The following C1QTNF9 variants were observed in gnomAD, a reference collection of about 807,000 sequenced individuals.
C1QTNF9 encodes the protein complement C1q and tumor necrosis factor-related protein 9A.
In C1QTNF9, 6 loss-of-function variants were observed where a neutral mutation model predicts 10.1. The ratio of observed to expected loss-of-function variants is 0.59; its 90% confidence interval spans 0.32 to 1.17. The LOEUF (loss-of-function observed/expected upper bound fraction) is 1.17. Among genes scored for constraint, C1QTNF9 ranks in the 50% most tolerant of loss-of-function variants. The pLI is 0.04. For missense variants in C1QTNF9, 201 were observed against 418.8 expected (o/e 0.48, Z 4.54); for synonymous variants, 98 against 163.5 (o/e 0.60, Z 3.06).
At chr13:24,307,318 A>C (rs1298668032), upstream of C1QTNF9, 2 of 152,304 alleles carry the variant, frequency 1.3e-5, no homozygotes, top group Non-Finnish European at 2.9e-5. Context: ...AGGGATGCGG[A>C]AGGGAGCAGT....
intron 2 of C1QTNF9, among the ~76,000 whole-genome samples, chr13:24,318,186 C>T (rs1878113255): frequency 1.3e-5 from 2 of 152,166 alleles, no homozygotes; most frequent in African/African-American, 4.8e-5. Flanking sequence ...AGCACGCCGA[C>T]CTGGAGCTCA....
chr13:24,317,287 T>G lies in C1QTNF9; in HGVS notation c.166+1118T>G, dbSNP rs74040700. Among the ~76,000 whole-genome samples, 573 of 144,212 alleles carry G rather than the reference T, an allele frequency of 4.0e-3. 2 individuals carry two copies. The highest frequency in any genetic ancestry group is 0.011 in the African/African-American group (413 of 39,156). The allele number at this position is 144,212 out of a possible 152,430, so 94.6% of individuals were successfully genotyped here. A position where few individuals can be genotyped will look rare whatever the true frequency, so the allele number is the denominator to read the frequency against. On this transcript the variant is annotated intron_variant, in intron 2 of 3. Transcript: ENST00000332018. ...TGTGTGTGTGTGTGTGTGTGTGTAT[T>G]GTATTTCTGAATATATAAGATTTTC... is the stretch of plus-strand genomic sequence containing the variant.
At chr13:24,321,776 G>T (rs1461745548) in exon 4 of C1QTNF9, 1 of 1,544,340 alleles carries the variant, frequency 6.5e-7, no homozygotes, top group Non-Finnish European at 8.7e-7. Flanking sequence ...TGACAGAGGA[G>T]AGTTTAAAAA....
chr13:24,312,847 C>T (rs1304117276), intron 1 of C1QTNF9, among the ~76,000 whole-genome samples: 6 of 149,974 alleles, frequency 4.0e-5, no homozygotes, highest in African/African-American at 1.2e-4. Flanking sequence ...CCCAGCTACT[C>T]GGGAGGCTGA....
At chr13:24,309,345 T>A (rs1445473863), upstream of C1QTNF9, among the ~76,000 whole-genome samples, 6 of 144,152 alleles carry the variant, frequency 4.2e-5, no homozygotes, top group Non-Finnish European at 4.5e-5. Flanking sequence ...TCCTTCAGAC[T>A]CCCCTTGAAA....
At chr13:24,321,579 A>G in exon 4 of C1QTNF9, 1 of 1,613,980 alleles carries the variant, frequency 6.2e-7, no homozygotes, top group African/African-American at 1.3e-5. Context: ...AAAATGGAGT[A>G]AAAATACTGC....
exon 2 of C1QTNF9, chr13:24,315,989 T>C (rs1201449575): frequency 7.4e-6 from 12 of 1,613,432 alleles, no homozygotes; most frequent in Admixed American, 1.7e-5. Flanking sequence ...CAGTTCAGAG[T>C]CTGTCATCTG....
chr13:24,311,644 G>A (rs1025338150), intron 1 of C1QTNF9, among the ~76,000 whole-genome samples: 27 of 152,336 alleles, frequency 1.8e-4, no homozygotes, highest in African/African-American at 4.8e-4. Flanking sequence ...AAGAGCGGCC[G>A]CACCTTGGGC....
chr13:24,314,651 C>T (rs1165879332), intron 1 of C1QTNF9, among the ~76,000 whole-genome samples: 1 of 152,058 alleles, frequency 6.6e-6, no homozygotes, highest in Non-Finnish European at 1.5e-5. Context: ...CAGCTTGGGC[C>T]ACAAGGGCGA....
chr13:24,315,132 A>G (rs1294264694), intron 1 of C1QTNF9, among the ~76,000 whole-genome samples: 2 of 152,210 alleles, frequency 1.3e-5, no homozygotes, highest in African/African-American at 4.8e-5. Context: ...TTGTGCAACC[A>G]TCACCACCAC....
At chr13:24,308,818 G>C (rs1011782737), upstream of C1QTNF9, among the ~76,000 whole-genome samples, 2 of 152,214 alleles carry the variant, frequency 1.3e-5, no homozygotes, top group Non-Finnish European at 2.9e-5. Flanking sequence ...AAACCGGGCT[G>C]GGCTCCTCTG....
chr13:24,312,963 A>AG (rs962248768), intron 1 of C1QTNF9, among the ~76,000 whole-genome samples: 4 of 151,656 alleles, frequency 2.6e-5, no homozygotes, highest in African/African-American at 7.2e-5. Context: ...TCAAAAAAAA[A>AG]AAAAAAGAAA....
At chr13:24,312,048 T>C (rs559830879) in intron 1 of C1QTNF9, among the ~76,000 whole-genome samples, 18 of 152,310 alleles carry the variant, frequency 1.2e-4, no homozygotes, top group East Asian at 5.8e-4. Context: ...GAAGCCCAGC[T>C]AAAATTTCTA....
chr13:24,314,037 T>C (rs1374201318), intron 1 of C1QTNF9, among the ~76,000 whole-genome samples: 5 of 152,180 alleles, frequency 3.3e-5, no homozygotes, highest in African/African-American at 1.2e-4. Flanking sequence ...TTATAGATAA[T>C]GCTGCAGGTA....
upstream of C1QTNF9, chr13:24,307,248 G>A (rs1877633018): frequency 6.6e-6 from 1 of 152,212 alleles, no homozygotes; most frequent in African/African-American, 2.4e-5. Flanking sequence ...GGAGAAGGGG[G>A]GCTCCGAGGG....
intron 2 of C1QTNF9, among the ~76,000 whole-genome samples, chr13:24,318,484 T>C (rs1238531999): frequency 1.3e-5 from 2 of 151,086 alleles, no homozygotes; most frequent in African/African-American, 2.4e-5. Context: ...CCCAAGTCCT[T>C]GTCGCAGGAG....
At chr13:24,320,858 T>C (rs1343041401) in intron 3 of C1QTNF9, 138 bp from the exon 4 acceptor site, 14 of 748,756 alleles carry the variant, frequency 1.9e-5, no homozygotes, top group African/African-American at 1.0e-4. Context: ...GATGGAGTAA[T>C]TGAATTTTAA....
At chr13:24,313,113 C>A (rs1229796272) in intron 1 of C1QTNF9, among the ~76,000 whole-genome samples, 1 of 152,098 alleles carries the variant, frequency 6.6e-6, no homozygotes, top group Non-Finnish European at 1.5e-5. Context: ...TATAAACAAA[C>A]AAACAAACAA....
upstream of C1QTNF9, among the ~76,000 whole-genome samples, chr13:24,308,409 G>A (rs2138796244): frequency 6.6e-6 from 1 of 152,330 alleles, no homozygotes; most frequent in South Asian, 2.1e-4. Flanking sequence ...GGGACTCAGG[G>A]GCTCCTTGCG....
Sources: allele counts gnomAD v4.1 joint callset (sites outside exome capture counted in the v4.1 genomes callset), GRCh38; gene constraint gnomAD v4.1.1; transcripts MANE v1.5; gene names NCBI Gene and HGNC (gene_info 2026-07-23, HGNC 2026-07-21).